POTEC: variants seen among roughly 807,000 people sequenced by gnomAD.
The protein encoded by POTEC is POTE ankyrin domain family member C.
Under a neutral mutation model 62.0 loss-of-function variants are expected in POTEC, and 35 were observed. The observed-to-expected ratio is 0.56, with a 90% CI of 0.43 to 0.75. The LOEUF is 0.75. POTEC is among the 30% of genes least tolerant of loss of function. POTEC has a pLI of 0.00. For synonymous variants in POTEC, 156 were observed against 221.5 expected (o/e 0.70, Z 2.62); for missense variants, 472 against 655.9 (o/e 0.72, Z 3.06).
chr18:14,510,789 T>C lies in POTEC; in HGVS notation c.*1109A>G. On this transcript the variant is annotated 3_prime_UTR_variant, in exon 11 of 11. Transcript: ENST00000358970. ...ACGTTTTTGTAGAGTGGCTATGCTG[T>C]GTGGGGGGTTCACTTCAGCCCCTGG... 1 of 152,196 alleles carries C rather than the reference T, an allele frequency of 6.6e-6. No individual in the cohort carries two copies. 9.4% of individuals were successfully genotyped at this position (152,196 alleles called of 1,614,324 possible).
At chr18:14,542,027 A>T (rs1400688146) in intron 1 of POTEC, among the ~76,000 whole-genome samples, 1 of 152,186 alleles carries the variant, frequency 6.6e-6, no homozygotes, top group Non-Finnish European at 1.5e-5. Flanking sequence ...ATGATAAAAT[A>T]CATCATGTGC....
intron 9 of POTEC, among the ~76,000 whole-genome samples, chr18:14,515,734 CA>C (rs1212784481): frequency 1.3e-5 from 2 of 151,556 alleles, no homozygotes; most frequent in African/African-American, 4.8e-5. Flanking sequence ...CAAAGTGAGC[CA>C]ACAACCTATA....
At chr18:14,515,064 T>C (rs1383783604) in intron 9 of POTEC, among the ~76,000 whole-genome samples, 1 of 152,126 alleles carries the variant, frequency 6.6e-6, no homozygotes, top group African/African-American at 2.4e-5. Context: ...ATGATACAAA[T>C]AAATGAACAT....
At chr18:14,514,279 G>C (rs1910089949) in intron 9 of POTEC, among the ~76,000 whole-genome samples, 1 of 151,728 alleles carries the variant, frequency 6.6e-6, no homozygotes, top group African/African-American at 2.4e-5. Context: ...ACAATCTAAT[G>C]TCACCGCTGA....
At position 14,510,775 on chromosome 18, in the gene POTEC, G is replaced by C. The variant is rs1399569343; in HGVS notation, c.*1123C>G. On this transcript the variant is annotated 3_prime_UTR_variant, in exon 11 of 11. Coordinates refer to ENST00000358970, the MANE Select transcript of POTEC (RefSeq NM_001137671.2). ...AAAGAAGTCTGGCCACGTTTTTGTA[G>C]AGTGGCTATGCTGTGTGGGGGGTTC... The C allele has an allele frequency of 2.0e-5, 3 of 152,214 alleles. No homozygotes were observed. Among genetic ancestry groups the C allele is most frequent in the Non-Finnish European group, 4.4e-5 (3 of 68,062 alleles). 9.4% of individuals were successfully genotyped at this position (152,214 alleles called of 1,614,324 possible). A position where few individuals can be genotyped will look rare whatever the true frequency, so the allele number is the denominator to read the frequency against.
In POTEC at chr18:14,529,407, CTACTA is replaced by C. The variant is rs538573142; in HGVS notation, c.1126+1071_1126+1075del. Among the ~76,000 whole-genome samples the C allele has an allele frequency of 5.7e-3, 863 of 152,234 alleles. 10 individuals are homozygous for C. The highest frequency in any genetic ancestry group is 0.02 in the African/African-American group (810 of 41,534). ...GCACAGAAATGAAATAGAGACAGCT[CTACTA>C]TGAGCACCTTAAGGATCAAAACTAC... On this transcript the variant is annotated intron_variant, in intron 6 of 10. Transcript: ENST00000358970.
At chr18:14,540,689 T>C (rs1905901883) in intron 1 of POTEC, among the ~76,000 whole-genome samples, 1 of 152,176 alleles carries the variant, frequency 6.6e-6, no homozygotes. Flanking sequence ...GTCTGTTTCA[T>C]ATAGATATTT....
rs1351122362 is a variant in POTEC at position 14,511,259 on chromosome 18, G to C, written c.*639C>G. 1 of 163,072 alleles carries C rather than the reference G, an allele frequency of 6.1e-6. No individual in the cohort carries two copies. Among genetic ancestry groups the C allele is most frequent in the Non-Finnish European group, 1.3e-5 (1 of 75,472 alleles). 10.1% of individuals were successfully genotyped at this position (163,072 alleles called of 1,614,324 possible). On this transcript the variant is annotated 3_prime_UTR_variant, in exon 11 of 11. Coordinates refer to ENST00000358970, the MANE Select transcript of POTEC (RefSeq NM_001137671.2). ...CAGGTGGGAGATCCTGTCCAGTGAC[G>C]AGGAACAGGATCAGAGGCCTGCTTA...
Position 14,537,939 on chromosome 18 carries a change from C to T in POTEC, c.672G>A (p.Met224Ile). 2 of 1,612,544 alleles carry T rather than the reference C, an allele frequency of 1.2e-6. No homozygotes were observed. Among genetic ancestry groups the T allele is most frequent in the African/African-American group, 1.3e-5 (1 of 74,970 alleles). ...TTTGATCAGCGCCATGTTCCAGCAA[C>T]ATTAACACACATTCATCTTCCTGGC... Reference protein sequence around the residue: ...VQCQEDECVLMLLEHGADQNI... With the variant: ...VQCQEDECVLILLEHGADQNI... The change falls in exon 3 of 11, where the codon ATG (methionine) becomes ATA (isoleucine). Residue 224 changes from methionine (M) to isoleucine (I), a missense_variant. Coordinates refer to ENST00000358970, the MANE Select transcript of POTEC (RefSeq NM_001137671.2).
At chr18:14,518,214 A>G (rs28441591) in intron 9 of POTEC, among the ~76,000 whole-genome samples, 1 of 152,308 alleles carries the variant, frequency 6.6e-6, no homozygotes, top group Admixed American at 6.5e-5. Context: ...AGGATATTGT[A>G]GTGAAAAATA....
intron 4 of POTEC, among the ~76,000 whole-genome samples, chr18:14,533,873 CTCTT>C (rs894415863): frequency 2.6e-4 from 37 of 141,470 alleles, no homozygotes; most frequent in African/African-American, 8.0e-4. Flanking sequence ...TCTTTTCTCT[CTCTT>C]TTTTTTTTTT....
chr18:14,513,523 G>A lies in POTEC; in HGVS notation c.1533+139C>T, dbSNP rs572258320. 180 of 1,317,966 alleles carry A rather than the reference G, an allele frequency of 1.4e-4. No individual in the cohort carries two copies. The African/African-American group carries it at 3.6e-3, about 26-fold the overall frequency. 81.6% of individuals were successfully genotyped at this position (1,317,966 alleles called of 1,614,324 possible). On this transcript the variant is annotated intron_variant, in intron 10 of 10. Coordinates refer to ENST00000358970, the MANE Select transcript of POTEC (RefSeq NM_001137671.2). ...ATATGACCAAGGATATACAGGGTGT[G>A]TGTTTACATATATACACACACACAC...
chr18:14,513,404 G>T lies in POTEC; in HGVS notation c.1533+258C>A, dbSNP rs555998452. 5.1e-3 allele frequency among the ~76,000 whole-genome samples: 769 copies of T among 152,152 alleles called. 7 individuals are homozygous for T. The highest frequency in any genetic ancestry group is 0.014 in the African/African-American group (582 of 41,510). ...AAAAATATCAAATGCTTTTCCTTTGGATTGAGGCCATTGTGAAGGTCACTA... is the reference window on the plus strand; with the variant it reads ...AAAAATATCAAATGCTTTTCCTTTGTATTGAGGCCATTGTGAAGGTCACTA... On this transcript the variant is annotated intron_variant, in intron 10 of 10. Coordinates refer to ENST00000358970, the MANE Select transcript of POTEC (RefSeq NM_001137671.2).
At chr18:14,530,660 G>C in intron 5 of POTEC, 107 bp from the exon 6 acceptor site, 1 of 924,778 alleles carries the variant, frequency 1.1e-6, no homozygotes, top group East Asian at 3.1e-5. Flanking sequence ...CATAATATCA[G>C]AATTTAACAG....
intron 9 of POTEC, among the ~76,000 whole-genome samples, chr18:14,520,067 G>GA (rs1019974449): frequency 6.6e-6 from 1 of 151,344 alleles, no homozygotes; most frequent in Non-Finnish European, 1.5e-5. Flanking sequence ...AAGAGTGAAT[G>GA]AAAAAAAAAT....
intron 10 of POTEC, among the ~76,000 whole-genome samples, chr18:14,513,099 A>C (rs1402478580): frequency 1.3e-5 from 2 of 152,260 alleles, no homozygotes; most frequent in East Asian, 3.9e-4. Context: ...TCAATAAATT[A>C]TCACTAAATG....
intron 9 of POTEC, among the ~76,000 whole-genome samples, chr18:14,519,281 T>C (rs1910248259): frequency 6.6e-6 from 1 of 152,198 alleles, no homozygotes; most frequent in Admixed American, 6.5e-5. Flanking sequence ...AGCCCAATTT[T>C]GGATCTGACA....
Position 14,533,354 on chromosome 18 carries a change from T to C in POTEC, c.918-156A>G, listed in dbSNP as rs1905593911. ...CATAAGCATCTTGGGTGCTCAAGAG[T>C]TCATCTTTGTAAAATACCACCAAGG... is the stretch of plus-strand genomic sequence containing the variant. On this transcript the variant is annotated intron_variant, in intron 4 of 10. Transcript: ENST00000358970. Among the ~76,000 whole-genome samples the C allele has an allele frequency of 2.0e-5, 3 of 152,190 alleles. No individual in the cohort carries two copies. In the South Asian group the frequency reaches 6.2e-4, roughly 32 times the overall value.
At chr18:14,512,541 C>T (rs766720685) in intron 10 of POTEC, among the ~76,000 whole-genome samples, 24 of 152,200 alleles carry the variant, frequency 1.6e-4, no homozygotes, top group Non-Finnish European at 2.6e-4. Context: ...TACACATCTG[C>T]GTCTAAGCAT....
Sources: gnomAD v4.1 joint callset for allele counts (sites outside exome capture counted in the v4.1 genomes callset) on GRCh38, gnomAD v4.1.1 for gene constraint, MANE v1.5 for transcripts, NCBI Gene and HGNC (gene_info 2026-07-23, HGNC 2026-07-21) for gene names.